The following EFCAB6 variants were observed in gnomAD, a reference collection of about 807,000 sequenced individuals.
EFCAB6 encodes EF-hand calcium-binding domain-containing protein 6.
A neutral mutation model predicts 169.8 loss-of-function variants in EFCAB6; 156 were observed. That is an observed-to-expected ratio of 0.92 (90% CI 0.81 to 1.05). The LOEUF is 1.05. Among genes scored for constraint, EFCAB6 ranks in the 50% least tolerant of loss-of-function variants. EFCAB6 has a pLI of 0.00. For missense variants in EFCAB6, 1,800 were observed against 1,829.1 expected, an observed-to-expected ratio of 0.98 and a Z score of 0.29; for synonymous variants, 698 against 676.4, an observed-to-expected ratio of 1.03 and a Z score of -0.50.
chr22:43,577,322 C>A (rs1228113499), intron 25 of EFCAB6, among the ~76,000 whole-genome samples: 1 of 152,180 alleles, frequency 6.6e-6, no homozygotes, highest in Non-Finnish European at 1.5e-5. Context: ...CCTGCAAACC[C>A]CACACCCTTG....
chr22:43,566,465 G>A (rs756942150), intron 26 of EFCAB6, among the ~76,000 whole-genome samples: 2 of 152,142 alleles, frequency 1.3e-5, no homozygotes, highest in African/African-American at 2.4e-5. Context: ...TCCTTCCTGC[G>A]TCTCCTTTAC....
intron 23 of EFCAB6, among the ~76,000 whole-genome samples, chr22:43,597,195 A>T (rs1177759747): frequency 2.6e-5 from 4 of 152,206 alleles, no homozygotes; most frequent in Non-Finnish European, 5.9e-5. Context: ...GTCAGGGCAA[A>T]TATTTTTTGG....
chr22:43,606,978 G>A (rs891892269), intron 22 of EFCAB6, among the ~76,000 whole-genome samples: 5 of 151,920 alleles, frequency 3.3e-5, no homozygotes, highest in African/African-American at 7.3e-5. Flanking sequence ...CTCTCCCCCC[G>A]GTGATGGTGG....
intron 30 of EFCAB6, among the ~76,000 whole-genome samples, chr22:43,533,944 G>A (rs1036935147): frequency 2.0e-5 from 3 of 152,296 alleles, no homozygotes; most frequent in South Asian, 2.1e-4. Context: ...TAGGTGATCC[G>A]CAAGTGCGAC....
chr22:43,540,457 G>A, intron 27 of EFCAB6, 100 bp from the exon 28 acceptor site: 1 of 1,587,384 alleles, frequency 6.3e-7, no homozygotes, highest in Non-Finnish European at 8.5e-7. Flanking sequence ...CTCGCAGGAG[G>A]TGAGCACTCA....
chr22:43,574,213 A>G (rs1375575854), intron 26 of EFCAB6, among the ~76,000 whole-genome samples: 1 of 152,194 alleles, frequency 6.6e-6, no homozygotes, highest in East Asian at 1.9e-4. Context: ...TGTTTGGGAA[A>G]TCTTTAAGTG....
chr22:43,612,266 G>C (rs901501593), intron 21 of EFCAB6, among the ~76,000 whole-genome samples: 4 of 152,128 alleles, frequency 2.6e-5, no homozygotes, highest in African/African-American at 9.7e-5. Flanking sequence ...CATAGGAACT[G>C]AGAAATATTT....
Position 43,528,844 on chromosome 22 carries a change from C to G in EFCAB6, c.*9G>C. The G allele has an allele frequency of 6.3e-7, 1 of 1,598,868 alleles. No individual in the cohort carries two copies. The highest frequency in any genetic ancestry group is 8.6e-7 in the Non-Finnish European group (1 of 1,167,486). On this transcript the variant is annotated 3_prime_UTR_variant, in exon 32 of 32. Coordinates refer to ENST00000262726, the MANE Select transcript of EFCAB6 (RefSeq NM_022785.4). ...GGCTGTCGTCCCGCTGGGCACACAG[C>G]AGGGGTGTCTACTGGAGGAATGCCC... is the stretch of plus-strand genomic sequence containing the variant.
intron 4 of EFCAB6, among the ~76,000 whole-genome samples, chr22:43,771,747 C>G (rs1218681707): frequency 6.6e-6 from 1 of 152,166 alleles, no homozygotes; most frequent in African/African-American, 2.4e-5. Context: ...ACATCCCTCC[C>G]CATGTAACTG....
At chr22:43,660,815 T>C (rs2056966178) in intron 17 of EFCAB6, among the ~76,000 whole-genome samples, 2 of 152,200 alleles carry the variant, frequency 1.3e-5, no homozygotes, top group African/African-American at 4.8e-5. Context: ...TGTGGAAAGC[T>C]AAAAGCAACC....
intron 10 of EFCAB6, among the ~76,000 whole-genome samples, chr22:43,708,928 C>G (rs186058283): frequency 4.7e-4 from 72 of 152,210 alleles, no homozygotes; most frequent in African/African-American, 1.7e-3. Flanking sequence ...AAAAAAGAGA[C>G]TCAGAAATCC....
intron 17 of EFCAB6, among the ~76,000 whole-genome samples, chr22:43,661,068 A>G (rs1201602579): frequency 6.6e-6 from 1 of 152,218 alleles, no homozygotes; most frequent in Non-Finnish European, 1.5e-5. Flanking sequence ...ACGTTAAATA[A>G]CACATTTAAA....
At chr22:43,689,639 C>T (rs763763077) in intron 10 of EFCAB6, among the ~76,000 whole-genome samples, 6 of 152,194 alleles carry the variant, frequency 3.9e-5, no homozygotes, top group Non-Finnish European at 7.3e-5. Context: ...CAAATGAGAA[C>T]TTTCAGCCTC....
At chr22:43,546,821 C>T (rs933058626) in intron 27 of EFCAB6, among the ~76,000 whole-genome samples, 4 of 149,916 alleles carry the variant, frequency 2.7e-5, no homozygotes, top group Admixed American at 6.7e-5. Context: ...TGTGGTGAGA[C>T]GAGATCATGC....
chr22:43,796,870 C>A (rs1482975983), intron 2 of EFCAB6, among the ~76,000 whole-genome samples: 1 of 152,198 alleles, frequency 6.6e-6, no homozygotes, highest in Admixed American at 6.5e-5. Flanking sequence ...TCAAGAAAAG[C>A]TGGATTGTCG....
At chr22:43,714,394 A>T (rs1410529763) in intron 9 of EFCAB6, among the ~76,000 whole-genome samples, 2 of 152,192 alleles carry the variant, frequency 1.3e-5, no homozygotes, top group Non-Finnish European at 1.5e-5. Flanking sequence ...CACAGTATCC[A>T]TTGCTTGCCA....
rs190928587 is a variant in EFCAB6, at chr22:43,544,791, T to G, written c.3649-4434A>C. On this transcript the variant is annotated intron_variant, in intron 27 of 31. Transcript: ENST00000262726. ...TGCAACTAAGAACCCTGAACAATAC[T>G]CAAAGCAACAAAATAGTCTCCAGAT... Among the ~76,000 whole-genome samples, 791 of 151,992 alleles carry G rather than the reference T, an allele frequency of 5.2e-3. 4 individuals are homozygous for G. Among genetic ancestry groups the G allele is most frequent in the Middle Eastern group, 0.041 (12 of 292 alleles).
chr22:43,670,863 C>CCAGCAGCAGCAG (rs754391057), intron 15 of EFCAB6, among the ~76,000 whole-genome samples: 1 of 151,808 alleles, frequency 6.6e-6, no homozygotes, highest in East Asian at 1.9e-4. Flanking sequence ...GGAGCTGAGA[C>CCAGCAGCAGCAG]CAGCAGCAGC....
intron 2 of EFCAB6, among the ~76,000 whole-genome samples, chr22:43,788,065 T>C (rs1325689254): frequency 1.3e-5 from 2 of 152,128 alleles, no homozygotes; most frequent in African/African-American, 4.8e-5. Flanking sequence ...GCTCACACCA[T>C]ATACAAAAAT....
Sources: allele counts gnomAD v4.1 joint callset (sites outside exome capture counted in the v4.1 genomes callset), GRCh38; gene constraint gnomAD v4.1.1; transcripts MANE v1.5; gene names NCBI Gene and HGNC (gene_info 2026-07-23, HGNC 2026-07-21).